Variants in CNTNAP2 observed in about 807,000 individuals in gnomAD.
The protein encoded by CNTNAP2 is contactin-associated protein-like 2.
In CNTNAP2, 98 loss-of-function variants were observed where a neutral mutation model predicts 155.2. The observed-to-expected ratio is 0.63, with a 90% confidence interval of 0.54 to 0.75. The LOEUF (loss-of-function observed/expected upper bound fraction) is 0.75. CNTNAP2 is among the 30% of genes least tolerant of loss of function. The probability of loss-of-function intolerance (pLI) is 0.00; values close to 1 mark genes in which losing one functional copy is unlikely to be tolerated. For missense variants in CNTNAP2, 1,727 were observed against 1,688.1 expected, an observed-to-expected ratio of 1.02 and a Z score of -0.40; for synonymous variants, 651 against 631.2, an observed-to-expected ratio of 1.03 and a Z score of -0.47.
chr7:148,347,599 T>A (rs1798349620), intron 21 of CNTNAP2, among the ~76,000 whole-genome samples: 2 of 152,312 alleles, frequency 1.3e-5, no homozygotes, highest in African/African-American at 4.8e-5. Flanking sequence ...GAGCCAAAAT[T>A]ATATTATCTA....
At chr7:146,572,844 A>C (rs1200559662) in intron 1 of CNTNAP2, among the ~76,000 whole-genome samples, 5 of 152,126 alleles carry the variant, frequency 3.3e-5, no homozygotes, top group Admixed American at 2.0e-4. Flanking sequence ...TGTGGTTTGT[A>C]TAACTGGAGT....
intron 1 of CNTNAP2, among the ~76,000 whole-genome samples, chr7:146,146,986 A>C (rs897379188): frequency 6.6e-6 from 1 of 152,134 alleles, no homozygotes; most frequent in Admixed American, 6.6e-5. Flanking sequence ...CAAGTACTTT[A>C]GTTTTTTTCC....
At chr7:148,148,346 T>C (rs1341432538) in intron 17 of CNTNAP2, among the ~76,000 whole-genome samples, 1 of 152,252 alleles carries the variant, frequency 6.6e-6, no homozygotes, top group Admixed American at 6.5e-5. Context: ...ATATTTCAGA[T>C]GAACCTAAAA....
At chr7:146,625,810 G>A (rs1372055586) in intron 1 of CNTNAP2, among the ~76,000 whole-genome samples, 1 of 151,834 alleles carries the variant, frequency 6.6e-6, no homozygotes, top group Non-Finnish European at 1.5e-5. Flanking sequence ...ATCAGCTACC[G>A]GTAATGAATT....
intron 1 of CNTNAP2, among the ~76,000 whole-genome samples, chr7:146,245,921 AGG>A (rs1799640964): frequency 2.1e-5 from 2 of 94,012 alleles, no homozygotes; most frequent in Non-Finnish European, 3.6e-5. Context: ...GATAGGAGAG[AGG>A]ATAGGGTTTG....
chr7:148,257,794 G>A (rs1050556522), intron 20 of CNTNAP2, among the ~76,000 whole-genome samples: 1 of 152,128 alleles, frequency 6.6e-6, no homozygotes, highest in Admixed American at 6.5e-5. Context: ...ATGGAGCCAA[G>A]CTCACTCACT....
intron 21 of CNTNAP2, among the ~76,000 whole-genome samples, chr7:148,298,554 A>G (rs1318170052): frequency 6.6e-6 from 1 of 152,056 alleles, no homozygotes; most frequent in African/African-American, 2.4e-5. Context: ...CAGCCCACTG[A>G]CTCAAATGCT....
chr7:146,993,403 G>A (rs1012995151), intron 3 of CNTNAP2, among the ~76,000 whole-genome samples: 1 of 152,144 alleles, frequency 6.6e-6, no homozygotes, highest in Non-Finnish European at 1.5e-5. Context: ...CATATAACAA[G>A]TAAACTCTGC....
At chr7:147,643,635 T>C (rs546371957) in intron 13 of CNTNAP2, among the ~76,000 whole-genome samples, 13 of 152,330 alleles carry the variant, frequency 8.5e-5, no homozygotes, top group Admixed American at 2.6e-4. Context: ...AGAACTTCTG[T>C]AGTAGTACTT....
At chr7:146,309,705 G>A (rs1190147246) in intron 1 of CNTNAP2, among the ~76,000 whole-genome samples, 2 of 151,950 alleles carry the variant, frequency 1.3e-5, no homozygotes, top group African/African-American at 4.8e-5. Context: ...GGAGGATGAG[G>A]CAGGAGACTC....
At chr7:147,882,950 G>T (rs560406697) in intron 13 of CNTNAP2, among the ~76,000 whole-genome samples, 1 of 152,116 alleles carries the variant, frequency 6.6e-6, no homozygotes, top group African/African-American at 2.4e-5. Flanking sequence ...TTTAAGATTC[G>T]CCTGCTTTTG....
chr7:148,112,870 A>T lies in CNTNAP2; in HGVS notation c.2384-5248A>T, dbSNP rs11979167. 3.7e-3 allele frequency among the ~76,000 whole-genome samples: 562 copies of T among 151,452 alleles called. 3 individuals are homozygous for T. The highest frequency in any genetic ancestry group is 0.013 in the African/African-American group (536 of 41,360). On this transcript the variant is annotated intron_variant, in intron 15 of 23. Coordinates refer to ENST00000361727, the MANE Select transcript of CNTNAP2 (RefSeq NM_014141.6). ...GTAGCTCCAGAGGTTTTTTTTTTTAAAAAAAAATACAGCTGTTTAATTGAA... is the reference window on the plus strand; with the variant it reads ...GTAGCTCCAGAGGTTTTTTTTTTTATAAAAAAATACAGCTGTTTAATTGAA...
chr7:147,738,669 T>A (rs1386128456), intron 13 of CNTNAP2, among the ~76,000 whole-genome samples: 1 of 151,692 alleles, frequency 6.6e-6, no homozygotes, highest in Non-Finnish European at 1.5e-5. Context: ...TTTATTTTTT[T>A]TTTTAGGTGG....
intron 21 of CNTNAP2, among the ~76,000 whole-genome samples, chr7:148,275,344 GA>G (rs1796853617): frequency 6.6e-6 from 1 of 152,092 alleles, no homozygotes; most frequent in Non-Finnish European, 1.5e-5. Context: ...GTCCAGGAGT[GA>G]GGGAAGGCAT....
intron 2 of CNTNAP2, among the ~76,000 whole-genome samples, chr7:146,791,293 G>A (rs1802669846): frequency 6.6e-6 from 1 of 152,184 alleles, no homozygotes; most frequent in South Asian, 2.1e-4. Flanking sequence ...TGGCTACATA[G>A]TATTGCATGG....
chr7:146,689,067 A>T (rs1494446), intron 1 of CNTNAP2, among the ~76,000 whole-genome samples: 1 of 152,062 alleles, frequency 6.6e-6, no homozygotes. Context: ...AAGTCTCTTC[A>T]TATCAGAATT....
intron 15 of CNTNAP2, among the ~76,000 whole-genome samples, chr7:148,061,149 CTG>C (rs766720716): frequency 2.0e-5 from 3 of 152,090 alleles, no homozygotes; most frequent in Non-Finnish European, 4.4e-5. Context: ...GTTTTTAAAA[CTG>C]TGTAATAAAA....
Position 147,944,001 on chromosome 7 carries a change from A to G in CNTNAP2, c.2256-33861A>G, listed in dbSNP as rs536895617. ...TGTACCCCAGTATATCAACAAACAC[A>G]TTATGAGTGGTTCAAATGAATGCTT... On this transcript the variant is annotated intron_variant, in intron 14 of 23. Coordinates refer to ENST00000361727, the MANE Select transcript of CNTNAP2 (RefSeq NM_014141.6). Among the ~76,000 whole-genome samples the G allele has an allele frequency of 1.1e-3, 175 of 152,266 alleles. 2 individuals carry two copies. Among genetic ancestry groups the G allele is most frequent in the African/African-American group, 4.1e-3 (172 of 41,566 alleles).
At chr7:148,138,363 T>A (rs1184900144) in intron 16 of CNTNAP2, among the ~76,000 whole-genome samples, 1 of 152,196 alleles carries the variant, frequency 6.6e-6, no homozygotes, top group Non-Finnish European at 1.5e-5. Context: ...ATTCATGTTG[T>A]TTCAACCTGC....
Sources: allele counts gnomAD v4.1 joint callset (sites outside exome capture counted in the v4.1 genomes callset), GRCh38; gene constraint gnomAD v4.1.1; transcripts MANE v1.5; gene names NCBI Gene and HGNC (gene_info 2026-07-23, HGNC 2026-07-21).